The following LRP1B variants were observed in gnomAD, a reference collection of about 807,000 sequenced individuals.
LRP1B encodes the protein low-density lipoprotein receptor-related protein 1B.
A neutral mutation model predicts 556.6 loss-of-function variants in LRP1B; 217 were observed. The ratio of observed to expected loss-of-function variants is 0.39; its 90% CI spans 0.35 to 0.44. LRP1B has a LOEUF of 0.44. Ranked by LOEUF, LRP1B falls within the 20% of genes least tolerant of loss-of-function variation. The pLI is 1.00. For missense variants in LRP1B, 5,053 were observed against 5,620.8 expected, an observed-to-expected ratio of 0.90 and a Z score of 3.23; for synonymous variants, 2,047 against 1,865.8, an observed-to-expected ratio of 1.10 and a Z score of -2.50.
At chr2:141,410,253 C>T (rs1690803231) in intron 3 of LRP1B, among the ~76,000 whole-genome samples, 2 of 151,922 alleles carry the variant, frequency 1.3e-5, no homozygotes, top group African/African-American at 2.4e-5. Context: ...AGGGCACAAT[C>T]CTATAGAAAA....
At chr2:142,059,029 A>G (rs1704792614) in intron 1 of LRP1B, among the ~76,000 whole-genome samples, 1 of 152,112 alleles carries the variant, frequency 6.6e-6, no homozygotes, top group East Asian at 1.9e-4. Flanking sequence ...CCAGCTATTT[A>G]TTCTTTGGAC....
chr2:141,878,932 C>A (rs1210861133), intron 1 of LRP1B, among the ~76,000 whole-genome samples: 3 of 151,840 alleles, frequency 2.0e-5, no homozygotes, highest in Non-Finnish European at 2.9e-5. Context: ...CCCAATAGCA[C>A]CACTAGTACC....
In LRP1B at chr2:140,472,569, G is replaced by A. The variant is rs1573977255; in HGVS notation, c.9625+2569C>T. On this transcript the variant is annotated intron_variant, in intron 60 of 90. Coordinates refer to ENST00000389484, the MANE Select transcript of LRP1B (RefSeq NM_018557.3). Reference sequence around the variant, plus strand: ...AGGGTGAATTAGGGTAGATCGGGGAGCAAAGAAAGAGGAATGGAAGCTCTC... The same window carrying A: ...AGGGTGAATTAGGGTAGATCGGGGAACAAAGAAAGAGGAATGGAAGCTCTC... 2.0e-5 allele frequency among the ~76,000 whole-genome samples: 3 copies of A among 152,116 alleles called. No homozygotes were observed. The South Asian group carries it at 6.2e-4, about 32-fold the overall frequency.
In LRP1B at chr2:141,685,035, A is replaced by C. The variant is rs138036488; in HGVS notation, c.205+125244T>G. ...ATTCCAAGGTCTTGAGGCTTAATGGAGTTTTATTTGTATTTCTACAAAGTA... is the reference window on the plus strand; with the variant it reads ...ATTCCAAGGTCTTGAGGCTTAATGGCGTTTTATTTGTATTTCTACAAAGTA... On this transcript the variant is annotated intron_variant, in intron 2 of 90. Coordinates refer to ENST00000389484, the MANE Select transcript of LRP1B (RefSeq NM_018557.3). 2.2e-3 allele frequency among the ~76,000 whole-genome samples: 339 copies of C among 152,234 alleles called. 1 individual carries two copies. The highest frequency in any genetic ancestry group is 3.4e-3 in the Non-Finnish European group (230 of 67,978).
chr2:140,359,013 CT>C, intron 72 of LRP1B, 67 bp from the exon 73 acceptor site: 1 of 1,463,832 alleles, frequency 6.8e-7, no homozygotes, highest in South Asian at 1.2e-5. Context: ...AACATTCTTC[CT>C]TTTTCTTTTA....
chr2:140,591,045 AT>A (rs1682203340), intron 43 of LRP1B, among the ~76,000 whole-genome samples: 1 of 152,210 alleles, frequency 6.6e-6, no homozygotes, highest in Non-Finnish European at 1.5e-5. Flanking sequence ...TATAAAGATC[AT>A]TTTTAAATAA....
chr2:142,061,798 T>C (rs1016278638), intron 1 of LRP1B, among the ~76,000 whole-genome samples: 4 of 151,974 alleles, frequency 2.6e-5, no homozygotes, highest in Non-Finnish European at 5.9e-5. Context: ...TTTCATTTCG[T>C]CTGATATTTT....
intron 35 of LRP1B, among the ~76,000 whole-genome samples, chr2:140,724,664 G>A (rs1001855683): frequency 6.6e-6 from 1 of 152,066 alleles, no homozygotes; most frequent in African/African-American, 2.4e-5. Context: ...TTCCCTTGTA[G>A]AGAAAGATGC....
At chr2:142,003,307 A>G (rs952527656) in intron 1 of LRP1B, among the ~76,000 whole-genome samples, 2 of 152,260 alleles carry the variant, frequency 1.3e-5, no homozygotes, top group Admixed American at 6.5e-5. Flanking sequence ...TCACTGTGAG[A>G]CAAGAGTCTG....
At chr2:140,457,778 G>T in intron 60 of LRP1B, 127 bp from the exon 61 acceptor site, 1 of 719,306 alleles carries the variant, frequency 1.4e-6, no homozygotes. Flanking sequence ...GTGACAACCT[G>T]TCAGGCCAGC....
At chr2:140,948,298 A>G (rs935053455) in intron 20 of LRP1B, among the ~76,000 whole-genome samples, 2 of 152,188 alleles carry the variant, frequency 1.3e-5, no homozygotes, top group Non-Finnish European at 1.5e-5. Flanking sequence ...AATACTGTTT[A>G]CATTTAAAAT....
chr2:140,357,737 T>G (rs1682295331), intron 74 of LRP1B, among the ~76,000 whole-genome samples: 1 of 151,708 alleles, frequency 6.6e-6, no homozygotes, highest in Non-Finnish European at 1.5e-5. Flanking sequence ...CTTCGATATT[T>G]GAATATTGAT....
At chr2:141,072,656 C>T (rs1251344920) in intron 7 of LRP1B, among the ~76,000 whole-genome samples, 3 of 151,974 alleles carry the variant, frequency 2.0e-5, no homozygotes, top group Non-Finnish European at 4.4e-5. Flanking sequence ...TCCCCATTGA[C>T]TCTCTCAACT....
intron 33 of LRP1B, among the ~76,000 whole-genome samples, chr2:140,775,235 T>G (rs1689451196): frequency 2.0e-5 from 3 of 152,032 alleles, no homozygotes; most frequent in Admixed American, 2.0e-4. Context: ...CAATAAATGC[T>G]GCTTGCTTGA....
intron 87 of LRP1B, among the ~76,000 whole-genome samples, chr2:140,246,200 T>G (rs1315188304): frequency 6.6e-6 from 1 of 151,324 alleles, no homozygotes; most frequent in Non-Finnish European, 1.5e-5. Context: ...AACACTATGC[T>G]TTTTGCTTGT....
chr2:140,526,385 G>T, intron 47 of LRP1B, 35 bp from the exon 48 acceptor site: 1 of 1,202,146 alleles, frequency 8.3e-7, no homozygotes, highest in South Asian at 1.2e-5. Flanking sequence ...ATGCAAAGAT[G>T]GGACAGAATG....
intron 41 of LRP1B, chr2:140,683,578 A>G: frequency 2.9e-6 from 2 of 684,458 alleles, no homozygotes; most frequent in Non-Finnish European, 2.8e-6. Context: ...TCTTCATTAA[A>G]AAGATTGCCA....
intron 3 of LRP1B, among the ~76,000 whole-genome samples, chr2:141,366,723 T>C (rs868607090): frequency 2.0e-5 from 3 of 152,366 alleles, no homozygotes; most frequent in African/African-American, 7.2e-5. Context: ...ACAAAAGCTT[T>C]ACTTTTTTCT....
At chr2:140,821,683 CAAG>C (rs1216321348) in intron 31 of LRP1B, among the ~76,000 whole-genome samples, 1 of 152,126 alleles carries the variant, frequency 6.6e-6, no homozygotes, top group Non-Finnish European at 1.5e-5. Flanking sequence ...TGGTAGATTT[CAAG>C]AAGATGTACT....
Sources: allele counts gnomAD v4.1 joint callset (sites outside exome capture counted in the v4.1 genomes callset), GRCh38; gene constraint gnomAD v4.1.1; transcripts MANE v1.5; gene names NCBI Gene and HGNC (gene_info 2026-07-23, HGNC 2026-07-21).